SYN3: variants seen among roughly 807,000 people sequenced by gnomAD.
SYN3 encodes the protein synapsin III.
A neutral mutation model predicts 65.8 loss-of-function variants in SYN3; 35 were observed. The observed-to-expected ratio is 0.53, with a 90% CI of 0.41 to 0.70. The LOEUF (loss-of-function observed/expected upper bound fraction) is 0.70. SYN3 is among the 30% of genes least tolerant of loss of function. SYN3 has a pLI of 0.00. For synonymous variants in SYN3, 270 were observed against 292.9 expected, an observed-to-expected ratio of 0.92 and a Z score of 0.80; for missense variants, 680 against 749.0, an observed-to-expected ratio of 0.91 and a Z score of 1.08.
At chr22:32,635,424 A>G (rs1315754841) in intron 6 of SYN3, among the ~76,000 whole-genome samples, 1 of 152,240 alleles carries the variant, frequency 6.6e-6, no homozygotes, top group Non-Finnish European at 1.5e-5. Flanking sequence ...ACTATGATAC[A>G]GGGAAATATT....
intron 6 of SYN3, among the ~76,000 whole-genome samples, chr22:32,777,475 A>G (rs2045937213): frequency 6.6e-6 from 1 of 152,120 alleles, no homozygotes. Flanking sequence ...GTATGTTGGT[A>G]GGGACTTTAC....
At chr22:32,791,712 T>G (rs1268050177) in intron 6 of SYN3, among the ~76,000 whole-genome samples, 1 of 151,826 alleles carries the variant, frequency 6.6e-6, no homozygotes, top group African/African-American at 2.4e-5. Context: ...ATAATCTCTG[T>G]GTACCTTAGT....
intron 4 of SYN3, among the ~76,000 whole-genome samples, chr22:32,882,214 C>T (rs576050812): frequency 2.6e-5 from 4 of 152,060 alleles, no homozygotes; most frequent in Non-Finnish European, 4.4e-5. Flanking sequence ...GCCCATCGGT[C>T]AGGTCATCTT....
At chr22:32,864,865 T>G in intron 6 of SYN3, 50 bp downstream of exon 6, 3 of 1,518,590 alleles carry the variant, frequency 2.0e-6, no homozygotes, top group Non-Finnish European at 2.7e-6. Context: ...ACAAGTCATC[T>G]GTATTCATTC....
intron 6 of SYN3, among the ~76,000 whole-genome samples, chr22:32,829,100 C>T (rs1239459021): frequency 3.3e-5 from 5 of 152,130 alleles, no homozygotes; most frequent in African/African-American, 4.8e-5. Flanking sequence ...CAGAGGGTAC[C>T]GCTGAAGAAG....
At chr22:32,601,476 A>T (rs1322433701) in intron 6 of SYN3, among the ~76,000 whole-genome samples, 5 of 152,096 alleles carry the variant, frequency 3.3e-5, no homozygotes, top group Admixed American at 1.3e-4. Context: ...ACGGGGTTTC[A>T]CCGTGTTAGC....
intron 6 of SYN3, among the ~76,000 whole-genome samples, chr22:32,778,837 T>C (rs2045968328): frequency 6.6e-6 from 1 of 152,236 alleles, no homozygotes; most frequent in African/African-American, 2.4e-5. Flanking sequence ...TCCAGGACTT[T>C]TACTATCAAT....
chr22:32,743,230 G>C (rs1187062012), intron 6 of SYN3, among the ~76,000 whole-genome samples: 1 of 152,168 alleles, frequency 6.6e-6, no homozygotes, highest in Non-Finnish European at 1.5e-5. Flanking sequence ...CCTAAGCCCT[G>C]GTGGGGAAGG....
intron 6 of SYN3, among the ~76,000 whole-genome samples, chr22:32,684,291 TA>T (rs2060561854): frequency 6.6e-6 from 1 of 152,102 alleles, no homozygotes; most frequent in Admixed American, 6.5e-5. Context: ...TGATCTAATC[TA>T]AATAATGAAG....
chr22:32,813,663 A>ATTT (rs130278), intron 6 of SYN3, among the ~76,000 whole-genome samples: 6 of 146,824 alleles, frequency 4.1e-5, no homozygotes, highest in African/African-American at 1.0e-4. Context: ...GTAACACCCA[A>ATTT]TTTTTTTTTT....
intron 6 of SYN3, among the ~76,000 whole-genome samples, chr22:32,850,194 C>T (rs1288860681): frequency 6.6e-6 from 1 of 151,186 alleles, no homozygotes; most frequent in African/African-American, 2.4e-5. Context: ...GGAGGTATGC[C>T]CTTAAGAAAA....
rs133973 is a variant in SYN3 at position 33,029,173 on chromosome 22, C to CT, written c.-162-22350dup. Among the ~76,000 whole-genome samples, 1,384 of 144,090 alleles carry CT rather than the reference C, an allele frequency of 9.6e-3. 13 individuals carry two copies. The highest frequency in any genetic ancestry group is 0.034 in the South Asian group (148 of 4,392). 94.5% of individuals were successfully genotyped at this position (144,090 alleles called of 152,430 possible). ...TGAGGACACTGAGGTCCAAAGATGA[C>CT]TTTTTTTTTTTTTTTTTAAGAGACG... On this transcript the variant is annotated intron_variant, in intron 1 of 13. Coordinates refer to ENST00000358763, the MANE Select transcript of SYN3 (RefSeq NM_003490.4).
chr22:32,582,876 C>T (rs1296873295), intron 7 of SYN3, among the ~76,000 whole-genome samples: 1 of 152,212 alleles, frequency 6.6e-6, no homozygotes, highest in Non-Finnish European at 1.5e-5. Flanking sequence ...CTAGGTCCTT[C>T]TCTTCAGCTG....
intron 3 of SYN3, among the ~76,000 whole-genome samples, chr22:32,963,874 T>C (rs567265488): frequency 1.9e-4 from 29 of 152,244 alleles, no homozygotes; most frequent in African/African-American, 6.5e-4. Context: ...GTAATCAAAA[T>C]CTGGTTCTGT....
In SYN3 at chr22:32,553,041, C is replaced by T. The variant is rs528205197; in HGVS notation, c.775-11328G>A. Among the ~76,000 whole-genome samples the T allele has an allele frequency of 3.4e-4, 52 of 152,308 alleles. No individual in the cohort carries two copies. In the South Asian group the frequency reaches 0.01, roughly 30 times the overall value. On this transcript the variant is annotated intron_variant, in intron 7 of 13. Transcript: ENST00000358763. ...TGCCTTCTGGCTGTGTCCTCATGTG[C>T]CACAGAGAGAGAGTGAGCAAGCTCT...
intron 6 of SYN3, among the ~76,000 whole-genome samples, chr22:32,818,452 G>T (rs2047146456): frequency 6.6e-6 from 1 of 152,218 alleles, no homozygotes; most frequent in South Asian, 2.1e-4. Context: ...TCTGCTGTGT[G>T]ATTCTGGTTG....
chr22:32,911,400 C>T (rs1310996676), intron 4 of SYN3, among the ~76,000 whole-genome samples: 2 of 152,180 alleles, frequency 1.3e-5, no homozygotes, highest in South Asian at 2.1e-4. Flanking sequence ...TATGCCTTTG[C>T]GTGGTGCACA....
chr22:32,823,603 C>T (rs1170968346), intron 6 of SYN3, among the ~76,000 whole-genome samples: 2 of 152,142 alleles, frequency 1.3e-5, no homozygotes, highest in African/African-American at 4.8e-5. Context: ...GAAGGAGAAG[C>T]ATTGCCAAGA....
rs560863835 is a variant in SYN3 at position 32,547,668 on chromosome 22, A to G, written c.775-5955T>C. On this transcript the variant is annotated intron_variant, in intron 7 of 13. Coordinates refer to ENST00000358763, the MANE Select transcript of SYN3 (RefSeq NM_003490.4). ...CTGAGCAAGGAGGGAGAGTGGAAAC[A>G]GAGGCAGAGAAAGTGGAGAGAGGAG... 7.9e-5 allele frequency among the ~76,000 whole-genome samples: 12 copies of G among 152,372 alleles called. No homozygotes were observed. In the East Asian group the frequency reaches 2.3e-3, roughly 29 times the overall value.
Sources: allele counts gnomAD v4.1 joint callset (sites outside exome capture counted in the v4.1 genomes callset), GRCh38; gene constraint gnomAD v4.1.1; transcripts MANE v1.5; gene names NCBI Gene and HGNC (gene_info 2026-07-23, HGNC 2026-07-21).